TRAF3: variants seen among roughly 807,000 people sequenced by gnomAD.
The protein encoded by TRAF3 is TNF receptor associated factor 3.
A neutral mutation model predicts 62.3 loss-of-function variants in TRAF3; 13 were observed. The ratio of observed to expected loss-of-function variants is 0.21; its 90% CI spans 0.14 to 0.33. TRAF3 has a LOEUF of 0.33. TRAF3 is among the 10% of genes least tolerant of loss of function. TRAF3 has a pLI of 1.00. For missense variants in TRAF3, 440 were observed against 741.8 expected, an observed-to-expected ratio of 0.59 and a Z score of 4.73; for synonymous variants, 269 against 283.4, an observed-to-expected ratio of 0.95 and a Z score of 0.51.
chr14:102,803,756 C>T (rs1898590701), intron 1 of TRAF3, among the ~76,000 whole-genome samples: 1 of 152,102 alleles, frequency 6.6e-6, no homozygotes, highest in Non-Finnish European at 1.5e-5. Flanking sequence ...GTGGCCGGCT[C>T]TGCTCGCTTA....
At chr14:102,895,867 G>A (rs77932620) in intron 9 of TRAF3, among the ~76,000 whole-genome samples, 1,640 of 152,290 alleles carry the variant, frequency 0.011, 10 homozygotes, top group Admixed American at 0.019. Flanking sequence ...GCTCTTCTGC[G>A]CTTCCGTGGA....
intron 1 of TRAF3, among the ~76,000 whole-genome samples, chr14:102,801,338 T>C (rs1898399313): frequency 6.6e-6 from 1 of 152,106 alleles, no homozygotes; most frequent in Non-Finnish European, 1.5e-5. Flanking sequence ...ATATATAATA[T>C]ATAAAATATG....
intron 1 of TRAF3, among the ~76,000 whole-genome samples, chr14:102,814,335 C>T (rs1338895746): frequency 6.6e-6 from 1 of 152,120 alleles, no homozygotes; most frequent in Non-Finnish European, 1.5e-5. Flanking sequence ...GTTTTGCTTA[C>T]TACAGCTTTG....
intron 10 of TRAF3, among the ~76,000 whole-genome samples, chr14:102,900,870 G>A (rs553759308): frequency 3.9e-5 from 6 of 152,296 alleles, no homozygotes; most frequent in South Asian, 4.1e-4. Context: ...GCTCTGTGTC[G>A]GAGTCTTTTT....
At chr14:102,884,918 T>C (rs1273622971) in intron 6 of TRAF3, among the ~76,000 whole-genome samples, 1 of 152,174 alleles carries the variant, frequency 6.6e-6, no homozygotes, top group Non-Finnish European at 1.5e-5. Context: ...TGCCAAAGAT[T>C]GTGCGATAGA....
chr14:102,899,747 C>T (rs1042415436), intron 10 of TRAF3, among the ~76,000 whole-genome samples: 1 of 152,074 alleles, frequency 6.6e-6, no homozygotes, highest in Non-Finnish European at 1.5e-5. Flanking sequence ...ACAGAGGGCC[C>T]GATGGCCTGG....
At chr14:102,845,723 A>T (rs888814448) in intron 2 of TRAF3, among the ~76,000 whole-genome samples, 6 of 151,666 alleles carry the variant, frequency 4.0e-5, no homozygotes, top group Admixed American at 1.3e-4. Flanking sequence ...TCACCGTGTT[A>T]GCCAGGATGG....
chr14:102,811,630 G>A (rs937652896), intron 1 of TRAF3, among the ~76,000 whole-genome samples: 26 of 147,548 alleles, frequency 1.8e-4, no homozygotes, highest in African/African-American at 6.2e-4. Flanking sequence ...GTGCAAAGGC[G>A]ATGAAGGCCT....
At chr14:102,876,761 AG>A (rs797021563) in intron 6 of TRAF3, 27 of 543,612 alleles carry the variant, frequency 5.0e-5, no homozygotes, top group Middle Eastern at 5.2e-4. Context: ...TCCGTTCCAC[AG>A]GCCTTCCGCT....
intron 1 of TRAF3, among the ~76,000 whole-genome samples, chr14:102,815,872 C>T (rs1899488120): frequency 6.6e-6 from 1 of 152,120 alleles, no homozygotes; most frequent in South Asian, 2.1e-4. Context: ...GGTGATAATT[C>T]ACTCACTGTC....
rs1381571409 is a variant in TRAF3 at position 102,811,913 on chromosome 14, C to CCTTTTTTTTTTT, written c.-156-18421_-156-18420insCTTTTTTTTTTT. 2.1e-4 allele frequency among the ~76,000 whole-genome samples: 10 copies of CCTTTTTTTTTTT among 47,076 alleles called. 1 individual carries two copies. The highest frequency in any genetic ancestry group is 3.5e-4 in the Admixed American group (1 of 2,880). The allele number at this position is 47,076 out of a possible 152,430, so 30.9% of individuals were successfully genotyped here. On this transcript the variant is annotated intron_variant, in intron 1 of 11. Coordinates refer to ENST00000392745, the MANE Select transcript of TRAF3 (RefSeq NM_145725.3). ...TAGGCTTGTGCCACCATGCCTGGCC[C>CCTTTTTTTTTTT]TTTTTTTTTTTTTTTTTTTTTTTTT...
At chr14:102,863,375 T>C (rs1887791156) in intron 2 of TRAF3, among the ~76,000 whole-genome samples, 1 of 152,226 alleles carries the variant, frequency 6.6e-6, no homozygotes, top group Admixed American at 6.5e-5. Context: ...GTTCCATTAA[T>C]ATAGTGGTCA....
chr14:102,794,065 C>T (rs1897943267), intron 1 of TRAF3, among the ~76,000 whole-genome samples: 1 of 152,216 alleles, frequency 6.6e-6, no homozygotes, highest in Non-Finnish European at 1.5e-5. Flanking sequence ...CTCAGGTCCT[C>T]TGCAGATGGC....
chr14:102,859,778 A>T (rs542667842), intron 2 of TRAF3, among the ~76,000 whole-genome samples: 13 of 152,318 alleles, frequency 8.5e-5, no homozygotes, highest in African/African-American at 3.1e-4. Context: ...GACAGAAGAA[A>T]ATGTAGTAGT....
chr14:102,784,403 A>G (rs558926373), intron 1 of TRAF3, among the ~76,000 whole-genome samples: 4 of 151,984 alleles, frequency 2.6e-5, no homozygotes, highest in South Asian at 2.1e-4. Context: ...TTGTATTTTT[A>G]GTAGAAACAG....
chr14:102,815,003 A>AATCG lies in TRAF3; in HGVS notation c.-156-15331_-156-15330insATCG, dbSNP rs1899427938. On this transcript the variant is annotated intron_variant, in intron 1 of 11. Transcript: ENST00000392745. ...CAGGCTGTAGTGCAGTGGCACAATC[A>AATCG]TGGCTCACTGTAGCCTCGACCTCTA... Among the ~76,000 whole-genome samples, 7 of 152,292 alleles carry AATCG rather than the reference A, an allele frequency of 4.6e-5. No homozygotes were observed. The South Asian group carries it at 1.4e-3, about 32-fold the overall frequency.
At chr14:102,797,515 C>T (rs928022135) in intron 1 of TRAF3, among the ~76,000 whole-genome samples, 112 of 152,222 alleles carry the variant, frequency 7.4e-4, no homozygotes, top group African/African-American at 2.5e-3. Context: ...GCAGAAACCC[C>T]GCAGTGGAAG....
intron 1 of TRAF3, among the ~76,000 whole-genome samples, chr14:102,804,923 C>G (rs750302302): frequency 7.2e-5 from 11 of 152,122 alleles, no homozygotes; most frequent in Non-Finnish European, 1.6e-4. Flanking sequence ...AAAATTGATC[C>G]TCCAGGACAG....
chr14:102,829,255 G>C (rs1465916854), intron 1 of TRAF3, among the ~76,000 whole-genome samples: 3 of 152,210 alleles, frequency 2.0e-5, no homozygotes, highest in Non-Finnish European at 4.4e-5. Flanking sequence ...AATGGGTTCT[G>C]AACCTTCTGG....
Sources: gnomAD v4.1 joint callset for allele counts (sites outside exome capture counted in the v4.1 genomes callset) on GRCh38, gnomAD v4.1.1 for gene constraint, MANE v1.5 for transcripts, NCBI Gene and HGNC (gene_info 2026-07-23, HGNC 2026-07-21) for gene names.